TMF1: variants seen among roughly 807,000 people sequenced by gnomAD.
The protein encoded by TMF1 is TATA element modulatory factor 1, also known as TATA element modulatory factor.
Under a neutral mutation model 126.5 loss-of-function variants are expected in TMF1, and 71 were observed. That is an observed-to-expected ratio of 0.56 (90% CI 0.46 to 0.68). The LOEUF (loss-of-function observed/expected upper bound fraction) is 0.68, where lower values mean the gene tolerates loss of function less well. TMF1 is among the 30% of genes least tolerant of loss of function. The pLI is 0.00. For synonymous variants in TMF1, 461 were observed against 430.5 expected (o/e 1.07, Z -0.88); for missense variants, 1,259 against 1,253.2 (o/e 1.00, Z -0.07).
rs2091904064 is a variant in TMF1 at position 69,047,816 on chromosome 3, A to G, written c.889T>C (p.Ser297Pro). The G allele has an allele frequency of 6.2e-7, 1 of 1,614,000 alleles. No individual in the cohort carries two copies. The highest frequency in any genetic ancestry group is 1.3e-5 in the African/African-American group (1 of 74,944). Reference protein sequence around the residue: ...HLMQTSFQLLSASACPEYNRL... With the variant: ...HLMQTSFQLLPASACPEYNRL... ...TTATATTCAGGACAAGCAGATGCAG[A>G]GAGAAGCTGAAAAGATGTCTGCATC... The change falls in exon 2 of 17, where the codon TCT (serine) becomes CCT (proline). Residue 297 changes from serine to proline, a missense_variant. Coordinates refer to ENST00000398559, the MANE Select transcript of TMF1 (RefSeq NM_007114.3).
Position 69,029,880 on chromosome 3 carries a change from A to G in TMF1, c.2529T>C (p.Ser843=). Residue 843 remains serine, a synonymous_variant, in exon 11 of 17, where the codon AGT becomes AGC. Coordinates refer to ENST00000398559, the MANE Select transcript of TMF1 (RefSeq NM_007114.3). The part of the protein sequence containing the change: ...SQNSLLRQEN[S]RFQAQLESEK... Reference sequence around the variant, plus strand: ...CTGATTCTAGCTGGGCTTGAAATCTACTGTTTTCCTGTCTTAAAAGAGAAT... The same window carrying G: ...CTGATTCTAGCTGGGCTTGAAATCTGCTGTTTTCCTGTCTTAAAAGAGAAT... The G allele has an allele frequency of 6.2e-7, 1 of 1,614,106 alleles. No individual in the cohort carries two copies. The highest frequency in any genetic ancestry group is 1.3e-5 in the African/African-American group (1 of 75,040).
intron 10 of TMF1, chr3:69,030,812 C>T (rs1332606040): frequency 6.6e-6 from 1 of 152,100 alleles, no homozygotes; most frequent in African/African-American, 2.4e-5. Context: ...GTGAAGAAAC[C>T]ACATTACTCT....
chr3:69,050,831 CTT>C (rs2091923266), intron 1 of TMF1, among the ~76,000 whole-genome samples: 1 of 152,184 alleles, frequency 6.6e-6, no homozygotes, highest in African/African-American at 2.4e-5. Flanking sequence ...AAGTACATCT[CTT>C]ATCCTTTTTC....
chr3:69,037,658 T>C (rs565341762), intron 8 of TMF1, among the ~76,000 whole-genome samples: 183 of 151,760 alleles, frequency 1.2e-3, no homozygotes, highest in Non-Finnish European at 2.1e-3. Context: ...AAAAGAAAAT[T>C]AGCCAGGCAT....
intron 11 of TMF1, among the ~76,000 whole-genome samples, chr3:69,028,775 C>T (rs1010669777): frequency 2.6e-5 from 4 of 152,048 alleles, no homozygotes; most frequent in Non-Finnish European, 5.9e-5. Flanking sequence ...ATGGATTTTA[C>T]ACCCCATGGT....
intron 11 of TMF1, 71 bp downstream of exon 11, chr3:69,029,744 C>A: frequency 2.1e-6 from 3 of 1,442,918 alleles, no homozygotes; most frequent in Non-Finnish European, 1.9e-6. Flanking sequence ...CCCGGCCCAA[C>A]AACATACTTT....
rs1468575232 is a variant in TMF1, at chr3:69,022,148, T to G, written c.*1029A>C. The G allele has an allele frequency of 6.6e-5, 10 of 152,662 alleles. No homozygotes were observed. Among genetic ancestry groups the G allele is most frequent in the African/African-American group, 2.2e-4 (9 of 41,474 alleles). The allele number at this position is 152,662 out of a possible 1,614,324, so 9.5% of individuals were successfully genotyped here. ...TTTTAAAAGCTATTCTATGCTTTCC[T>G]TGTGTTTGAAATTTCAAGAAAAAAT... On this transcript the variant is annotated 3_prime_UTR_variant, in exon 17 of 17. Coordinates refer to ENST00000398559, the MANE Select transcript of TMF1 (RefSeq NM_007114.3).
Position 69,025,567 on chromosome 3 carries a change from TGAG to T in TMF1, c.3002_3004del (p.Thr1001_His1002delinsAsn). ...ATTTAATTTTTCCAATACCTGTAAA[TGAG>T]TGATTTCCCCTTCCCTTAGCTTTAG... On this transcript the variant is annotated inframe_deletion, in exon 15 of 17. Coordinates refer to ENST00000398559, the MANE Select transcript of TMF1 (RefSeq NM_007114.3). 1 of 1,611,728 alleles carries T rather than the reference TGAG, an allele frequency of 6.2e-7. No homozygotes were observed. Among genetic ancestry groups the T allele is most frequent in the Non-Finnish European group, 8.5e-7 (1 of 1,179,250 alleles).
At chr3:69,030,120 A>AT in intron 10 of TMF1, 113 bp from the exon 11 acceptor site, 1 of 849,920 alleles carries the variant, frequency 1.2e-6, no homozygotes, top group Non-Finnish European at 1.8e-6. Flanking sequence ...CTTAAAACTG[A>AT]TAACTATTTA....
intron 15 of TMF1, chr3:69,024,711 G>A (rs943247766): frequency 6.7e-6 from 1 of 149,410 alleles, no homozygotes; most frequent in African/African-American, 2.5e-5. Flanking sequence ...AATGGGAGTT[G>A]AATTTTTACC....
At position 69,025,646 on chromosome 3, in the gene TMF1, C is replaced by T. The variant is rs779626431; in HGVS notation, c.2926G>A (p.Ala976Thr). ...ISANGSNLYD[A>T]VRMGAGSSII... ...CTTGATCCTGCTCCCATCCTTACAGCATCATAAAGATTGCTTCCATTTGCT... is the reference window on the plus strand; with the variant it reads ...CTTGATCCTGCTCCCATCCTTACAGTATCATAAAGATTGCTTCCATTTGCT... Residue 976 changes from alanine (A) to threonine (T), a missense_variant, in exon 15 of 17, where the codon GCT becomes ACT. Coordinates refer to ENST00000398559, the MANE Select transcript of TMF1 (RefSeq NM_007114.3). The T allele has an allele frequency of 6.2e-7, 1 of 1,614,002 alleles. No homozygotes were observed. Among genetic ancestry groups the T allele is most frequent in the Non-Finnish European group, 8.5e-7 (1 of 1,179,896 alleles).
chr3:69,042,833 T>G lies in TMF1; in HGVS notation c.1658A>C (p.Glu553Ala). 2 of 1,613,640 alleles carry G rather than the reference T, an allele frequency of 1.2e-6. No homozygotes were observed. Among genetic ancestry groups the G allele is most frequent in the South Asian group, 2.2e-5 (2 of 91,072 alleles). The change falls in exon 5 of 17, where the codon GAG becomes GCG. Residue 553 changes from glutamate (E) to alanine (A), a missense_variant. Coordinates refer to ENST00000398559, the MANE Select transcript of TMF1 (RefSeq NM_007114.3). Reference sequence around the variant, plus strand: ...TTCTTCCATTAACCCTCGGATCTGCTCATCTTTCTCTTTCAAAAGGTCTGC... The same window carrying G: ...TTCTTCCATTAACCCTCGGATCTGCGCATCTTTCTCTTTCAAAAGGTCTGC... ...ETADLLKEKD[E>A]QIRGLMEEGE... is the part of the protein sequence containing the mutation.
intron 10 of TMF1, chr3:69,030,798 G>C (rs1432031650): frequency 6.6e-6 from 1 of 152,200 alleles, no homozygotes; most frequent in Non-Finnish European, 1.5e-5. Context: ...ATGTTGGCAA[G>C]GGTGTGAAGA....
In TMF1 at chr3:69,021,948, T is replaced by C. The variant is rs776113153; in HGVS notation, c.*1229A>G. ...ATATGCCCGCCTTGGCCTCCCAAAG[T>C]GCTGGGATTACAGGCATGAGCCACA... is the stretch of plus-strand genomic sequence containing the variant. On this transcript the variant is annotated 3_prime_UTR_variant, in exon 17 of 17. Transcript: ENST00000398559. The C allele has an allele frequency of 6.6e-6, 1 of 152,376 alleles. No homozygotes were observed. The highest frequency in any genetic ancestry group is 1.5e-5 in the Non-Finnish European group (1 of 68,046). The allele number at this position is 152,376 out of a possible 1,614,324, so 9.4% of individuals were successfully genotyped here.
chr3:69,037,027 T>C (rs1303290579), intron 8 of TMF1, among the ~76,000 whole-genome samples: 1 of 151,828 alleles, frequency 6.6e-6, no homozygotes, highest in Non-Finnish European at 1.5e-5. Context: ...ATCCTATATC[T>C]GATAAAGGTC....
chr3:69,026,179 G>T, intron 13 of TMF1, 82 bp from the exon 14 acceptor site: 1 of 864,542 alleles, frequency 1.2e-6, no homozygotes, highest in Non-Finnish European at 1.9e-6. Flanking sequence ...TAGGGTTAAT[G>T]AGAACAAAGA....
chr3:69,020,903 A>C lies in TMF1; in HGVS notation c.*2274T>G, dbSNP rs2091725732. On this transcript the variant is annotated 3_prime_UTR_variant, in exon 17 of 17. Transcript: ENST00000398559. ...ATTGCAATCTTTTCTCTGCAAATGA[A>C]GTTTTTTTCTACTAGTGGATATTTT... The C allele has an allele frequency of 6.6e-6, 1 of 152,212 alleles. No homozygotes were observed. The highest frequency in any genetic ancestry group is 2.4e-5 in the African/African-American group (1 of 41,448). 9.4% of individuals were successfully genotyped at this position (152,212 alleles called of 1,614,324 possible).
At chr3:69,024,859 T>G (rs1286573275) in intron 15 of TMF1, 2 of 146,394 alleles carry the variant, frequency 1.4e-5, no homozygotes, top group Non-Finnish European at 3.0e-5. Context: ...TACTTACTGG[T>G]TGAGCATCCC....
Position 69,048,223 on chromosome 3 carries a change from C to T in TMF1, c.482G>A (p.Gly161Glu), listed in dbSNP as rs768698258. 3.7e-6 allele frequency: 6 copies of T among 1,614,146 alleles called. No individual in the cohort carries two copies. Among genetic ancestry groups the T allele is most frequent in the Admixed American group, 1.7e-5 (1 of 60,018 alleles). ...QVKDSSLCVS[G>E]ETLAAGTSSP... ...TGAAGTACCTGCTGCCAGAGTTTCC[C>T]CTGAAACACACAAAGAAGAGTCTTT... The change falls in exon 2 of 17, where the codon GGG becomes GAG. Residue 161 changes from glycine (G) to glutamate (E), a missense_variant. Coordinates refer to ENST00000398559, the MANE Select transcript of TMF1 (RefSeq NM_007114.3).
Sources: allele counts gnomAD v4.1 joint callset (sites outside exome capture counted in the v4.1 genomes callset), GRCh38; gene constraint gnomAD v4.1.1; transcripts MANE v1.5; gene names NCBI Gene and HGNC (gene_info 2026-07-23, HGNC 2026-07-21).